LRP1B: variants seen among roughly 807,000 people sequenced by gnomAD.
LRP1B encodes the protein LDL receptor related protein 1B.
A neutral mutation model predicts 556.6 loss-of-function variants in LRP1B; 217 were observed. That is an observed-to-expected ratio of 0.39 (90% CI 0.35 to 0.44). LRP1B has a LOEUF of 0.44. LRP1B is among the 20% of genes least tolerant of loss of function. LRP1B has a pLI of 1.00. For missense variants in LRP1B, 5,053 were observed against 5,620.8 expected, an observed-to-expected ratio of 0.90 and a Z score of 3.23; for synonymous variants, 2,047 against 1,865.8, an observed-to-expected ratio of 1.10 and a Z score of -2.50.
intron 1 of LRP1B, among the ~76,000 whole-genome samples, chr2:141,815,337 G>A (rs1180167331): frequency 6.6e-6 from 1 of 152,158 alleles, no homozygotes; most frequent in African/African-American, 2.4e-5. Context: ...GTAGTGAGAG[G>A]TGAAGCCAGC....
intron 2 of LRP1B, among the ~76,000 whole-genome samples, chr2:141,685,947 A>C (rs995659770): frequency 6.6e-6 from 1 of 152,108 alleles, no homozygotes; most frequent in African/African-American, 2.4e-5. Flanking sequence ...ACATTCAAGT[A>C]CATACACTGC....
intron 7 of LRP1B, among the ~76,000 whole-genome samples, chr2:141,139,781 ATGTG>A (rs58413685): frequency 0.4 from 58,830 of 147,794 alleles, 11,933 homozygotes; most frequent in Non-Finnish European, 0.46. Flanking sequence ...CATTGGAAAA[ATGTG>A]TGTGTGTGTG....
At chr2:141,008,301 G>C (rs1402141780) in intron 14 of LRP1B, among the ~76,000 whole-genome samples, 5 of 150,924 alleles carry the variant, frequency 3.3e-5, no homozygotes, top group African/African-American at 1.2e-4. Context: ...AAAATTACAA[G>C]GAAGGTTTTA....
At chr2:140,859,722 C>T (rs1692730959) in intron 27 of LRP1B, among the ~76,000 whole-genome samples, 1 of 152,028 alleles carries the variant, frequency 6.6e-6, no homozygotes, top group Non-Finnish European at 1.5e-5. Context: ...TGGCCGTGTG[C>T]GGTGGCTCCC....
chr2:140,518,968 A>G (rs1690037271), intron 49 of LRP1B, among the ~76,000 whole-genome samples: 1 of 152,148 alleles, frequency 6.6e-6, no homozygotes, highest in Non-Finnish European at 1.5e-5. Flanking sequence ...AGAGGACACA[A>G]ATAAATGGAA....
chr2:141,898,952 T>C (rs1193161954), intron 1 of LRP1B, among the ~76,000 whole-genome samples: 1 of 152,168 alleles, frequency 6.6e-6, no homozygotes, highest in East Asian at 1.9e-4. Flanking sequence ...TGAAACCCAC[T>C]GTCCGACTGC....
intron 43 of LRP1B, among the ~76,000 whole-genome samples, chr2:140,567,218 C>T (rs1429388260): frequency 6.6e-6 from 1 of 152,130 alleles, no homozygotes; most frequent in Non-Finnish European, 1.5e-5. Context: ...TGAGCTGCCC[C>T]TTGCCCCCAG....
intron 75 of LRP1B, 50 bp from the exon 76 acceptor site, chr2:140,353,122 CCTATT>C (rs1412152874): frequency 6.3e-7 from 1 of 1,575,668 alleles, no homozygotes; most frequent in Non-Finnish European, 8.6e-7. Context: ...AATTCAGACT[CCTATT>C]CTTACCACGT....
At chr2:140,750,163 G>C (rs1211984127) in intron 35 of LRP1B, among the ~76,000 whole-genome samples, 1 of 151,944 alleles carries the variant, frequency 6.6e-6, no homozygotes, top group Non-Finnish European at 1.5e-5. Flanking sequence ...TAATAATGTA[G>C]TCCTTTTTTC....
intron 3 of LRP1B, among the ~76,000 whole-genome samples, chr2:141,325,210 T>C (rs925053486): frequency 2.4e-5 from 2 of 83,492 alleles, no homozygotes; most frequent in African/African-American, 1.2e-4. Flanking sequence ...AAATAGATTT[T>C]CAAATTATCC....
chr2:140,595,136 A>ATATATG (rs1682390713), intron 43 of LRP1B, among the ~76,000 whole-genome samples: 1 of 116,840 alleles, frequency 8.6e-6, no homozygotes, highest in South Asian at 2.9e-4. Flanking sequence ...ATATATATAT[A>ATATATG]TTAGTATGGT....
At chr2:142,061,663 G>A (rs114010263) in intron 1 of LRP1B, among the ~76,000 whole-genome samples, 2,007 of 152,022 alleles carry the variant, frequency 0.013, 47 homozygotes, top group African/African-American at 0.046. Context: ...AGTTAAAAAC[G>A]ACTAGTAGGA....
chr2:141,355,782 TATATGGATTTTAGAGGG>T (rs1688606079), intron 3 of LRP1B, among the ~76,000 whole-genome samples: 1 of 151,702 alleles, frequency 6.6e-6, no homozygotes. Context: ...AATTGGTAAT[TATATGGATTTTAGAGGG>T]TATAGTAATA....
chr2:141,674,671 T>C (rs1031499302), intron 2 of LRP1B, among the ~76,000 whole-genome samples: 23 of 152,036 alleles, frequency 1.5e-4, no homozygotes, highest in African/African-American at 5.6e-4. Context: ...TATTGCTATC[T>C]TGTTTTCAAA....
rs550252965 is a variant in LRP1B, at chr2:140,763,056, T to C, written c.5758+6157A>G. Among the ~76,000 whole-genome samples, 86 of 152,256 alleles carry C rather than the reference T, an allele frequency of 5.6e-4. 1 individual carries two copies. The South Asian group carries it at 0.018, about 32-fold the overall frequency. ...AATCTATACTCTAAGTATCAGAGTATGGAGTAATTTGAAAAATATAAAATA... is the reference window on the plus strand; with the variant it reads ...AATCTATACTCTAAGTATCAGAGTACGGAGTAATTTGAAAAATATAAAATA... On this transcript the variant is annotated intron_variant, in intron 35 of 90. Transcript: ENST00000389484.
chr2:141,221,302 A>G (rs1003099501), intron 6 of LRP1B, among the ~76,000 whole-genome samples: 1 of 152,000 alleles, frequency 6.6e-6, no homozygotes, highest in Non-Finnish European at 1.5e-5. Context: ...AAAAAAAAAA[A>G]AAAAAACCAA....
At chr2:142,103,902 G>A (rs1011861) in intron 1 of LRP1B, among the ~76,000 whole-genome samples, 7 of 151,948 alleles carry the variant, frequency 4.6e-5, no homozygotes, top group South Asian at 2.1e-4. Flanking sequence ...TTAGCAGAAC[G>A]TGTCAGCTGT....
At chr2:141,776,839 A>G (rs533488207) in intron 2 of LRP1B, among the ~76,000 whole-genome samples, 9 of 152,350 alleles carry the variant, frequency 5.9e-5, no homozygotes, top group African/African-American at 2.2e-4. Flanking sequence ...ATAACTAATA[A>G]TAGATTATAA....
At chr2:141,967,110 C>T (rs1037443853) in intron 1 of LRP1B, among the ~76,000 whole-genome samples, 8 of 151,806 alleles carry the variant, frequency 5.3e-5, no homozygotes, top group African/African-American at 1.9e-4. Context: ...CCCTGTTGTT[C>T]CACATGGAAT....
Sources: allele counts gnomAD v4.1 joint callset (sites outside exome capture counted in the v4.1 genomes callset), GRCh38; gene constraint gnomAD v4.1.1; transcripts MANE v1.5; gene names NCBI Gene and HGNC (gene_info 2026-07-23, HGNC 2026-07-21).